The following LARGE1 variants were observed in gnomAD, a reference collection of about 807,000 sequenced individuals.
LARGE1 encodes LARGE xylosyl- and glucuronyltransferase 1, also known as xylosyl- and glucuronyltransferase LARGE1.
Under a neutral mutation model 87.6 loss-of-function variants are expected in LARGE1, and 43 were observed. The observed-to-expected ratio is 0.49, with a 90% confidence interval of 0.38 to 0.63. LARGE1 has a LOEUF of 0.63. Among genes scored for constraint, LARGE1 ranks in the 30% least tolerant of loss-of-function variants. LARGE1 has a pLI of 0.00. For missense variants in LARGE1, 802 were observed against 1,000.2 expected (o/e 0.80, Z 2.67); for synonymous variants, 434 against 394.6 (o/e 1.10, Z -1.18).
chr22:33,715,593 C>G (rs572925416), intron 2 of LARGE1, among the ~76,000 whole-genome samples: 1 of 152,298 alleles, frequency 6.6e-6, no homozygotes, highest in Non-Finnish European at 1.5e-5. Flanking sequence ...CATCAGGGTC[C>G]TCTGGAGGGC....
At chr22:33,795,904 C>T (rs1375114958) in intron 1 of LARGE1, among the ~76,000 whole-genome samples, 2 of 150,996 alleles carry the variant, frequency 1.3e-5, no homozygotes, top group African/African-American at 2.4e-5. Context: ...ATGTAAGTGA[C>T]GAGTTAACGG....
intron 6 of LARGE1, among the ~76,000 whole-genome samples, chr22:33,509,240 T>C (rs2070925771): frequency 6.6e-6 from 1 of 152,162 alleles, no homozygotes; most frequent in Non-Finnish European, 1.5e-5. Context: ...GTGAGGCTGA[T>C]GCTGCTGGTC....
rs191142500 is a variant in LARGE1, at chr22:33,353,669, G to A, written c.1132-15868C>T. Among the ~76,000 whole-genome samples the A allele has an allele frequency of 2.6e-5, 4 of 152,210 alleles. No individual in the cohort carries two copies. The South Asian group carries it at 6.2e-4, about 24-fold the overall frequency. On this transcript the variant is annotated intron_variant, in intron 9 of 14. Coordinates refer to ENST00000397394, the MANE Select transcript of LARGE1 (RefSeq NM_133642.5). ...ACAGAAAGAATGACTTTTTTTGTGA[G>A]CACTAAAGGAAAGCTGTCCTGCAGA...
At chr22:33,152,594 A>T in the LARGE1 span, among the ~76,000 whole-genome samples, 1 of 152,078 alleles carries the variant, frequency 6.6e-6, no homozygotes, top group African/African-American at 2.4e-5. Flanking sequence ...TAATGGTTAA[A>T]TTTTAAATTT....
intron 1 of LARGE1, among the ~76,000 whole-genome samples, chr22:33,803,514 CA>C (rs1417081209): frequency 6.6e-6 from 1 of 152,166 alleles, no homozygotes; most frequent in Non-Finnish European, 1.5e-5. Flanking sequence ...TGAGGTTCAA[CA>C]ATTCACTAGG....
At position 33,304,384 on chromosome 22, in the gene LARGE1, G is replaced by T; in HGVS notation, c.1575C>A (p.Ser525Arg). 1 of 1,614,268 alleles carries T rather than the reference G, an allele frequency of 6.2e-7. No homozygotes were observed. The highest frequency in any genetic ancestry group is 8.5e-7 in the Non-Finnish European group (1 of 1,180,054). ...CGATGTGGTAGCCCACGTTGTGGCG[G>T]CTCATAAGCACCTCAGAGCCCTGTG... Reference protein sequence around the residue: ...RYAQGSEVLMSRHNVGYHIVY... With the variant: ...RYAQGSEVLMRRHNVGYHIVY... The change falls in exon 12 of 15, where the codon AGC becomes AGA. Residue 525 changes from serine to arginine, a missense_variant. By Grantham distance (110) the Ser-to-Arg change is moderately radical. Transcript: ENST00000397394.
intron 6 of LARGE1, among the ~76,000 whole-genome samples, chr22:33,435,637 G>A (rs901012213): frequency 3.3e-5 from 5 of 152,110 alleles, no homozygotes; most frequent in African/African-American, 1.2e-4. Context: ...AGATGGGGAG[G>A]CAGCACCCAC....
the LARGE1 span, among the ~76,000 whole-genome samples, chr22:33,067,194 G>A: frequency 6.6e-6 from 1 of 152,006 alleles, no homozygotes; most frequent in Non-Finnish European, 1.5e-5. Context: ...GGACTTCAGA[G>A]GAGTAAGCAT....
intron 2 of LARGE1, among the ~76,000 whole-genome samples, chr22:33,729,958 T>C (rs1442518438): frequency 6.6e-6 from 1 of 152,108 alleles, no homozygotes; most frequent in Non-Finnish European, 1.5e-5. Flanking sequence ...CCTGCCCTCA[T>C]GAAGTGTGTG....
chr22:33,381,878 A>T (rs1366374198), intron 9 of LARGE1, 41 bp downstream of exon 9: 3 of 1,612,946 alleles, frequency 1.9e-6, no homozygotes, highest in Non-Finnish European at 2.5e-6. Context: ...CTCTCGGCCC[A>T]CCTCACCCTA....
chr22:33,873,227 C>T (rs936783252), intron 1 of LARGE1: 1 of 152,330 alleles, frequency 6.6e-6, no homozygotes, highest in Middle Eastern at 3.4e-3. Context: ...TCCTGGGTGG[C>T]CTGACTTTGT....
chr22:33,133,091 T>C, the LARGE1 span, among the ~76,000 whole-genome samples: 2 of 152,226 alleles, frequency 1.3e-5, no homozygotes, highest in Non-Finnish European at 1.5e-5. Flanking sequence ...GAAGGGATTG[T>C]TCATATAGTA....
At chr22:33,497,922 G>A (rs367576986) in intron 6 of LARGE1, among the ~76,000 whole-genome samples, 3 of 151,994 alleles carry the variant, frequency 2.0e-5, no homozygotes, top group African/African-American at 7.2e-5. Flanking sequence ...TTGCTCTGTC[G>A]CTTAGGCTGG....
intron 1 of LARGE1, among the ~76,000 whole-genome samples, chr22:33,763,437 A>T (rs1421029397): frequency 6.6e-6 from 1 of 152,196 alleles, no homozygotes; most frequent in South Asian, 2.1e-4. Context: ...TGAACAGAGA[A>T]TGTTGACTTG....
At chr22:33,403,802 T>C (rs551127731) in intron 7 of LARGE1, among the ~76,000 whole-genome samples, 2 of 152,148 alleles carry the variant, frequency 1.3e-5, no homozygotes, top group East Asian at 1.9e-4. Context: ...CGGGGTTTTG[T>C]CATGTTGGCC....
chr22:33,258,540 C>T (rs372981684), intron 11 of LARGE1, among the ~76,000 whole-genome samples: 1 of 152,158 alleles, frequency 6.6e-6, no homozygotes, highest in African/African-American at 2.4e-5. Context: ...TTCTGGACTG[C>T]ATTTCCAGAA....
intron 6 of LARGE1, among the ~76,000 whole-genome samples, chr22:33,485,120 C>T (rs961505116): frequency 1.3e-5 from 2 of 151,826 alleles, no homozygotes; most frequent in Non-Finnish European, 1.5e-5. Flanking sequence ...GCTATGTTAG[C>T]CAGGCTAGTC....
At chr22:33,275,268 G>C (rs920235245) in intron 14 of LARGE1, among the ~76,000 whole-genome samples, 15 of 152,124 alleles carry the variant, frequency 9.9e-5, no homozygotes, top group Non-Finnish European at 1.6e-4. Context: ...AAAAATAAAA[G>C]GCCTCTGAAT....
At chr22:33,661,217 A>ATT (rs11356402) in intron 2 of LARGE1, among the ~76,000 whole-genome samples, 18,021 of 141,984 alleles carry the variant, frequency 0.13, 2,026 homozygotes, top group African/African-American at 0.29. Context: ...AGGTTCTATG[A>ATT]TTTTTTTTTT....
Sources: allele counts gnomAD v4.1 joint callset (sites outside exome capture counted in the v4.1 genomes callset), GRCh38; gene constraint gnomAD v4.1.1; transcripts MANE v1.5; gene names NCBI Gene and HGNC (gene_info 2026-07-23, HGNC 2026-07-21).